PKHD1L1: variants seen among roughly 807,000 people sequenced by gnomAD.
PKHD1L1 encodes the protein PKHD1 like 1, also known as fibrocystin-L.
In PKHD1L1, 434 loss-of-function variants were observed where a neutral mutation model predicts 462.9. The ratio of observed to expected loss-of-function variants is 0.94; its 90% confidence interval spans 0.87 to 1.02. The LOEUF is 1.02. PKHD1L1 is among the 50% of genes least tolerant of loss of function. PKHD1L1 has a pLI of 0.00. For synonymous variants in PKHD1L1, 1,781 were observed against 1,750.0 expected, an observed-to-expected ratio of 1.02 and a Z score of -0.44; for missense variants, 5,202 against 5,096.1, an observed-to-expected ratio of 1.02 and a Z score of -0.63.
chr8:109,460,662 T>TG (rs1026356937), intron 47 of PKHD1L1, among the ~76,000 whole-genome samples: 1 of 152,180 alleles, frequency 6.6e-6, no homozygotes, highest in African/African-American at 2.4e-5. Context: ...AAATGTTCCC[T>TG]GGGGGCAAAA....
chr8:109,444,119 C>T lies in PKHD1L1; in HGVS notation c.4791+217C>T, dbSNP rs550713834. On this transcript the variant is annotated intron_variant, in intron 37 of 77. Coordinates refer to ENST00000378402, the MANE Select transcript of PKHD1L1 (RefSeq NM_177531.6). ...TTTTAGAACATTTTCATTACCTCCCCCCCCCAAAAAAAACCCTAAAGCCCT... is the reference window on the plus strand; with the variant it reads ...TTTTAGAACATTTTCATTACCTCCCTCCCCCAAAAAAAACCCTAAAGCCCT... Among the ~76,000 whole-genome samples the T allele has an allele frequency of 3.1e-5, 4 of 129,742 alleles. No individual in the cohort carries two copies. The East Asian group carries it at 9.6e-4, about 31-fold the overall frequency. The allele number at this position is 129,742 out of a possible 152,430, so 85.1% of individuals were successfully genotyped here.
intron 7 of PKHD1L1, among the ~76,000 whole-genome samples, chr8:109,388,818 G>A (rs1286748452): frequency 6.6e-6 from 1 of 151,986 alleles, no homozygotes; most frequent in Admixed American, 6.6e-5. Flanking sequence ...TATTTCATTT[G>A]GCAGTATCTC....
rs1193433894 is a variant in PKHD1L1 at position 109,491,096 on chromosome 8, G to A, written c.10109G>A (p.Gly3370Glu). Reference sequence around the variant, plus strand: ...GACAACATCATTCACTTTACAGTGGGGGAAGGTAATATAATAATATTTTGG... The same window carrying A: ...GACAACATCATTCACTTTACAGTGGAGGAAGGTAATATAATAATATTTTGG... The part of the protein sequence containing the change: ...IDDNIIHFTV[G>E]EGIRIWGNAN... The change falls in exon 61 of 78, where the codon GGG (glycine) becomes GAG (glutamate). Residue 3370 changes from glycine (G) to glutamate (E), a missense_variant. Physicochemically the swap from Gly to Glu is moderately conservative, Grantham distance 98. Around this residue, in one of 3 missense-constraint regions of PKHD1L1, gnomAD observed 4,497 missense variants for 4,336.8 expected, o/e 1.04. Transcript: ENST00000378402. 2.5e-6 allele frequency: 4 copies of A among 1,607,026 alleles called. No homozygotes were observed. The highest frequency in any genetic ancestry group is 4.5e-5 in the East Asian group (2 of 44,650).
intron 67 of PKHD1L1, among the ~76,000 whole-genome samples, chr8:109,503,311 CAAACA>C (rs1819526783): frequency 9.3e-5 from 5 of 53,494 alleles, no homozygotes; most frequent in Admixed American, 4.0e-4. Context: ...AAAACAAAAA[CAAACA>C]AAAAAAAAAC....
intron 63 of PKHD1L1, among the ~76,000 whole-genome samples, chr8:109,496,171 G>A (rs1206459459): frequency 1.3e-5 from 2 of 152,124 alleles, no homozygotes; most frequent in Non-Finnish European, 1.5e-5. Context: ...AAGAAATGAT[G>A]GTGAATGAGC....
chr8:109,400,246 T>G lies in PKHD1L1; in HGVS notation c.1183T>G (p.Phe395Val), dbSNP rs755836805. 4 of 1,613,576 alleles carry G rather than the reference T, an allele frequency of 2.5e-6. No homozygotes were observed. In the East Asian group the frequency reaches 8.9e-5, roughly 36 times the overall value. ...QDTFVARFSGFLVAPDSDVYR... is the reference protein window; with the variant it reads ...QDTFVARFSGVLVAPDSDVYR... ...CACATTTGTTGCACGCTTTAGTGGA[T>G]TTTTGGTGGCTCCAGATTCTGATGT... The change falls in exon 13 of 78, where the codon TTT (phenylalanine) becomes GTT (valine). Residue 395 changes from phenylalanine to valine, a missense_variant. Transcript: ENST00000378402.
At chr8:109,407,019 A>G (rs907730147) in intron 17 of PKHD1L1, among the ~76,000 whole-genome samples, 2 of 152,168 alleles carry the variant, frequency 1.3e-5, no homozygotes, top group African/African-American at 4.8e-5. Context: ...AATAGCTATT[A>G]ACCGCCTATT....
chr8:109,516,760 G>T (rs985169151), intron 72 of PKHD1L1, among the ~76,000 whole-genome samples: 2 of 152,070 alleles, frequency 1.3e-5, no homozygotes, highest in Non-Finnish European at 2.9e-5. Context: ...TTAATAAATT[G>T]TTCACTCTTT....
chr8:109,508,119 T>TA lies in PKHD1L1; in HGVS notation c.11252dup (p.Tyr3752ValfsTer21). The stretch of plus-strand genomic sequence containing the variant: ...TAGGAATTATTAGAGATTCAACCTG[T>TA]AAGTACCTTCCAGAGTGGCAGAGCT... On this transcript the variant is annotated frameshift_variant, in exon 70 of 78. Transcript: ENST00000378402. LOFTEE classifies it high-confidence loss of function. 6.2e-7 allele frequency: 1 copy of TA among 1,611,178 alleles called. No homozygotes were observed. The highest frequency in any genetic ancestry group is 8.5e-7 in the Non-Finnish European group (1 of 1,178,558).
At chr8:109,441,979 T>G in intron 34 of PKHD1L1, 28 bp from the exon 35 acceptor site, 1 of 1,505,102 alleles carries the variant, frequency 6.6e-7, no homozygotes, top group Non-Finnish European at 8.9e-7. Context: ...CTTTTTCTTT[T>G]AAAATATTAC....
In PKHD1L1 at chr8:109,444,933, T is replaced by C. The variant is rs1816037598; in HGVS notation, c.5064T>C (p.Ser1688=). 2 of 1,614,050 alleles carry C rather than the reference T, an allele frequency of 1.2e-6. No individual in the cohort carries two copies. The highest frequency in any genetic ancestry group is 2.2e-5 in the East Asian group (1 of 44,884). The change falls in exon 38 of 78, where the codon TCT becomes TCC. Residue 1688 remains serine (S), a synonymous_variant. Transcript: ENST00000378402. Reference sequence around the variant, plus strand: ...AAGGCTCTGGATTTGCCGTTTCTTCTGCAGGTGTAAAAGTCCTTATGGGTC... The same window carrying C: ...AAGGCTCTGGATTTGCCGTTTCTTCCGCAGGTGTAAAAGTCCTTATGGGTC... ...TIKGSGFAVS[S]AGVKVLMGHF...
In PKHD1L1 at chr8:109,371,710, C is replaced by G. The variant is rs1811520373; in HGVS notation, c.163+7074C>G. ...GTGTAAGGAAGGGATCCAGTTTCAG[C>G]TTTCTACATATGGCTAGCCAGTTTT... On this transcript the variant is annotated intron_variant, in intron 2 of 77. Coordinates refer to ENST00000378402, the MANE Select transcript of PKHD1L1 (RefSeq NM_177531.6). Among the ~76,000 whole-genome samples the G allele has an allele frequency of 2.7e-5, 4 of 146,078 alleles. 1 individual carries two copies.
chr8:109,533,787 A>C lies in PKHD1L1; in HGVS notation c.*3697A>C, dbSNP rs76484491. On this transcript the variant is annotated 3_prime_UTR_variant, in exon 78 of 78. Coordinates refer to ENST00000378402, the MANE Select transcript of PKHD1L1 (RefSeq NM_177531.6). ...TAAAAATCTACAGAAAAATCTTGAC[A>C]AAAAAAAAATTCCAGTGGATTGAAT... 7.3e-6 allele frequency among the ~76,000 whole-genome samples: 1 copy of C among 137,184 alleles called. No homozygotes were observed. The highest frequency in any genetic ancestry group is 3.2e-5 in the African/African-American group (1 of 30,784). The allele number at this position is 137,184 out of a possible 152,430, so 90.0% of individuals were successfully genotyped here. A position where few individuals can be genotyped will look rare whatever the true frequency, so the allele number is the denominator to read the frequency against.
intron 50 of PKHD1L1, among the ~76,000 whole-genome samples, chr8:109,473,270 G>A (rs1275300874): frequency 1.3e-5 from 2 of 152,128 alleles, no homozygotes; most frequent in African/African-American, 4.8e-5. Flanking sequence ...CTAGCCCTTT[G>A]GGGGGCAAAG....
rs1817999869 is a variant in PKHD1L1, at chr8:109,476,604, T to C, written c.8854T>C (p.Trp2952Arg). 1 of 1,594,244 alleles carries C rather than the reference T, an allele frequency of 6.3e-7. No individual in the cohort carries two copies. Among genetic ancestry groups the C allele is most frequent in the Non-Finnish European group, 8.6e-7 (1 of 1,168,564 alleles). The stretch of plus-strand genomic sequence containing the variant: ...GAATGGTTCCTCAAATCCATTGAAT[T>C]GGAATACTAGCAAGAATGGGGACTG... ...MRNGSSNPLNWNTSKNGDWHL... is the reference protein window; with the variant it reads ...MRNGSSNPLNRNTSKNGDWHL... The change falls in exon 52 of 78, where the codon TGG (tryptophan) becomes CGG (arginine). Residue 2952 changes from tryptophan to arginine, a missense_variant. Coordinates refer to ENST00000378402, the MANE Select transcript of PKHD1L1 (RefSeq NM_177531.6).
At chr8:109,491,379 TATC>T (rs1818817588) in intron 61 of PKHD1L1, among the ~76,000 whole-genome samples, 1 of 151,830 alleles carries the variant, frequency 6.6e-6, no homozygotes, top group Admixed American at 6.6e-5. Context: ...TGGCTATGGT[TATC>T]ATATTAGACA....
intron 45 of PKHD1L1, among the ~76,000 whole-genome samples, chr8:109,455,498 C>T (rs1036306288): frequency 1.3e-5 from 2 of 152,096 alleles, no homozygotes; most frequent in Non-Finnish European, 2.9e-5. Context: ...AACCGTAGTA[C>T]CTGTCTGTGA....
chr8:109,445,151 G>C lies in PKHD1L1; in HGVS notation c.5282G>C (p.Gly1761Ala), dbSNP rs145788243. The change falls in exon 38 of 78, where the codon GGA (glycine) becomes GCA (alanine). Residue 1761 changes from glycine (G) to alanine (A), a missense_variant. Around this residue, in one of 3 missense-constraint regions of PKHD1L1, gnomAD observed 4,497 missense variants for 4,336.8 expected, o/e 1.04. Transcript: ENST00000378402. Reference sequence around the variant, plus strand: ...GGAGTCTTCCCAAACTCTGTCATAGGATCTGTAAAAGTTCTTATTGAAGGA... The same window carrying C: ...GGAGTCTTCCCAAACTCTGTCATAGCATCTGTAAAAGTTCTTATTGAAGGA... ...ITGVFPNSVI[G>A]SVKVLIEGEG... The C allele has an allele frequency of 6.2e-7, 1 of 1,613,894 alleles. No homozygotes were observed. Among genetic ancestry groups the C allele is most frequent in the African/African-American group, 1.3e-5 (1 of 75,034 alleles).
At chr8:109,425,301 ATT>A in intron 24 of PKHD1L1, 69 bp downstream of exon 24, 1 of 1,260,660 alleles carries the variant, frequency 7.9e-7, no homozygotes, top group East Asian at 2.8e-5. Flanking sequence ...AAAGTGTTAA[ATT>A]TTGTTTAACT....
Sources: allele counts gnomAD v4.1 joint callset (sites outside exome capture counted in the v4.1 genomes callset), GRCh38; gene constraint gnomAD v4.1.1; regional missense constraint gnomAD v4.1.1; transcripts MANE v1.5; gene names NCBI Gene and HGNC (gene_info 2026-07-23, HGNC 2026-07-21).